The following CCDC169 variants were observed in gnomAD, a reference collection of about 807,000 sequenced individuals.
CCDC169 encodes coiled-coil domain-containing protein 169.
A neutral mutation model predicts 36.0 loss-of-function variants in CCDC169; 30 were observed. The ratio of observed to expected loss-of-function variants is 0.83; its 90% confidence interval spans 0.62 to 1.13. CCDC169 has a LOEUF of 1.13. CCDC169 is among the 50% of genes most tolerant of loss of function. CCDC169 has a pLI of 0.00. For synonymous variants in CCDC169, 85 were observed against 81.5 expected (o/e 1.04, Z -0.23); for missense variants, 245 against 245.9 (o/e 1.00, Z 0.03).
Position 36,297,588 on chromosome 13 carries a change from G to C in CCDC169, c.83+49C>G, listed in dbSNP as rs772562843. On this transcript the variant is annotated intron_variant, in intron 1 of 7. Coordinates refer to ENST00000239859, the MANE Select transcript of CCDC169 (RefSeq NM_001144981.3). ...CAGCCCTGAGACTCTGCAGGTGAAG[G>C]CTCGGGGGGTGTGGACGGGACCCCA... is the stretch of plus-strand genomic sequence containing the variant. 61 of 1,522,920 alleles carry C rather than the reference G, an allele frequency of 4.0e-5. No homozygotes were observed. In the Admixed American group the frequency reaches 8.8e-4, roughly 22 times the overall value. 94.3% of individuals were successfully genotyped at this position (1,522,920 alleles called of 1,614,324 possible). A position where few individuals can be genotyped will look rare whatever the true frequency, so the allele number is the denominator to read the frequency against.
rs184450480 is a variant in CCDC169 at position 36,236,881 on chromosome 13, A to G, written c.546-5589T>C. Among the ~76,000 whole-genome samples the G allele has an allele frequency of 3.9e-4, 60 of 152,162 alleles. 1 individual carries two copies. In the Middle Eastern group the frequency reaches 0.017, roughly 43 times the overall value. ...TGGTTCCAGGACCCCCATGGATACC[A>G]AAATTCACAGATGCTCAAGTCCCTT... On this transcript the variant is annotated intron_variant, in intron 7 of 7. Coordinates refer to ENST00000239859, the MANE Select transcript of CCDC169 (RefSeq NM_001144981.3).
intron 4 of CCDC169, among the ~76,000 whole-genome samples, chr13:36,271,778 AG>A (rs1157115322): frequency 6.6e-6 from 1 of 151,976 alleles, no homozygotes; most frequent in Non-Finnish European, 1.5e-5. Context: ...GAGGGAAGGA[AG>A]GGATAAAAAA....
At chr13:36,272,667 T>C (rs775496838) in intron 4 of CCDC169, among the ~76,000 whole-genome samples, 1 of 152,202 alleles carries the variant, frequency 6.6e-6, no homozygotes, top group African/African-American at 2.4e-5. Flanking sequence ...TCCTAGCTGC[T>C]GGTTTATGGA....
intron 6 of CCDC169, among the ~76,000 whole-genome samples, chr13:36,251,633 T>C (rs1006452361): frequency 3.9e-5 from 6 of 152,218 alleles, no homozygotes; most frequent in Non-Finnish European, 8.8e-5. Flanking sequence ...CATACATTTC[T>C]ATTTTATGTT....
chr13:36,285,698 G>A (rs553718091), intron 2 of CCDC169, among the ~76,000 whole-genome samples: 152 of 152,038 alleles, frequency 1.0e-3, no homozygotes, highest in Non-Finnish European at 1.9e-3. Flanking sequence ...AATGGAATCC[G>A]GCTGCTTGCC....
chr13:36,256,808 T>G (rs770548502), intron 4 of CCDC169, among the ~76,000 whole-genome samples: 1 of 152,216 alleles, frequency 6.6e-6, no homozygotes, highest in Non-Finnish European at 1.5e-5. Flanking sequence ...TTCTTCTCAC[T>G]GCATGTCATC....
chr13:36,289,229 G>A (rs1054145082), intron 2 of CCDC169, among the ~76,000 whole-genome samples: 1 of 152,090 alleles, frequency 6.6e-6, no homozygotes, highest in South Asian at 2.1e-4. Context: ...CTGTCTCACT[G>A]CTTTCAGCTT....
intron 4 of CCDC169, among the ~76,000 whole-genome samples, chr13:36,275,671 T>C (rs1296280619): frequency 1.3e-5 from 2 of 152,154 alleles, no homozygotes; most frequent in Non-Finnish European, 2.9e-5. Flanking sequence ...TCAAAAGGCA[T>C]AAACTACCAC....
intron 6 of CCDC169, 39 bp from the exon 7 acceptor site, chr13:36,248,721 A>G: frequency 6.6e-7 from 1 of 1,515,292 alleles, no homozygotes. Context: ...CCCTTGGTTC[A>G]TAATTGATTT....
At position 36,231,255 on chromosome 13, in the gene CCDC169, C is replaced by T; in HGVS notation, c.583G>A (p.Ala195Thr). ...ATCTTTTTTACTGGTCCTCTCTTGG[C>T]ACTCACTGTCTTCTGCTTAGCTGGA... ...YNPAKQKTVSAKRGPVKKITR... is the reference protein window; with the variant it reads ...YNPAKQKTVSTKRGPVKKITR... The change falls in exon 8 of 8, where the codon GCC becomes ACC. Residue 195 changes from alanine (A) to threonine (T), a missense_variant. Coordinates refer to ENST00000239859, the MANE Select transcript of CCDC169 (RefSeq NM_001144981.3). The T allele has an allele frequency of 2.6e-6, 4 of 1,551,404 alleles. No individual in the cohort carries two copies. The highest frequency in any genetic ancestry group is 2.4e-5 in the East Asian group (1 of 40,898).
At chr13:36,249,686 C>G (rs1046656888) in intron 6 of CCDC169, among the ~76,000 whole-genome samples, 6 of 152,072 alleles carry the variant, frequency 3.9e-5, no homozygotes, top group South Asian at 2.1e-4. Context: ...ATGTCACAAG[C>G]AAAGGATAAG....
intron 6 of CCDC169, among the ~76,000 whole-genome samples, chr13:36,253,312 A>C (rs959843509): frequency 2.6e-5 from 4 of 151,566 alleles, no homozygotes; most frequent in African/African-American, 9.7e-5. Context: ...ATAACCTCTT[A>C]ATTTGGAAAA....
rs200027119 is a variant in CCDC169 at position 36,248,698 on chromosome 13, T to C, written c.469-16A>G. ...AACCAGAACCCTGAAATACAAAAAT[T>C]TGAGTGTTTATCCCCTTGGTTCATA... On this transcript the variant is annotated splice_polypyrimidine_tract_variant and intron_variant, in intron 6 of 7. Coordinates refer to ENST00000239859, the MANE Select transcript of CCDC169 (RefSeq NM_001144981.3). 12 of 1,548,316 alleles carry C rather than the reference T, an allele frequency of 7.8e-6. No homozygotes were observed. The East Asian group carries it at 2.0e-4, about 25-fold the overall frequency.
chr13:36,257,536 G>T (rs891171336), intron 4 of CCDC169, among the ~76,000 whole-genome samples: 9 of 151,818 alleles, frequency 5.9e-5, no homozygotes, highest in Non-Finnish European at 7.4e-5. Flanking sequence ...AACCCCGTCT[G>T]TACTAAAAAC....
At chr13:36,285,838 C>T (rs1194193876) in intron 2 of CCDC169, among the ~76,000 whole-genome samples, 1 of 152,190 alleles carries the variant, frequency 6.6e-6, no homozygotes, top group Admixed American at 6.5e-5. Context: ...TTGTAACCAG[C>T]ACAACTCCTG....
intron 4 of CCDC169, among the ~76,000 whole-genome samples, chr13:36,272,053 C>T (rs145928126): frequency 0.029 from 4,263 of 148,154 alleles, 88 homozygotes; most frequent in Non-Finnish European, 0.044. Context: ...CCACTGCACT[C>T]GCGCCCGGGT....
At chr13:36,258,411 TGA>T (rs1874190836) in intron 4 of CCDC169, among the ~76,000 whole-genome samples, 1 of 151,968 alleles carries the variant, frequency 6.6e-6, no homozygotes, top group Non-Finnish European at 1.5e-5. Context: ...AATCACAGGA[TGA>T]AATAGGAGGT....
intron 4 of CCDC169, among the ~76,000 whole-genome samples, chr13:36,278,513 C>T (rs762731494): frequency 3.9e-5 from 6 of 152,148 alleles, no homozygotes; most frequent in Non-Finnish European, 8.8e-5. Flanking sequence ...TGCCTGAACT[C>T]TGGACAACGT....
chr13:36,240,120 AAG>A (rs1328591734), intron 7 of CCDC169, among the ~76,000 whole-genome samples: 2 of 152,068 alleles, frequency 1.3e-5, no homozygotes, highest in African/African-American at 4.8e-5. Context: ...TCTCTTGGGT[AAG>A]AGAGGACTAC....
Sources: gnomAD v4.1 joint callset for allele counts (sites outside exome capture counted in the v4.1 genomes callset) on GRCh38, gnomAD v4.1.1 for gene constraint, MANE v1.5 for transcripts, NCBI Gene and HGNC (gene_info 2026-07-23, HGNC 2026-07-21) for gene names.